MDGA1: variants seen among roughly 807,000 people sequenced by gnomAD.
MDGA1 encodes the protein MAM domain-containing glycosylphosphatidylinositol anchor protein 1.
MDGA1 carries 54 observed loss-of-function variants against 101.5 expected under a neutral mutation model. That is an observed-to-expected ratio of 0.53 (90% CI 0.43 to 0.67). The LOEUF (loss-of-function observed/expected upper bound fraction) is 0.67, where lower values mean the gene tolerates loss of function less well. MDGA1 is among the 30% of genes least tolerant of loss of function. The probability of loss-of-function intolerance (pLI) is 0.00; values close to 1 mark genes in which losing one functional copy is unlikely to be tolerated. For synonymous variants in MDGA1, 533 were observed against 558.3 expected, an observed-to-expected ratio of 0.95 and a Z score of 0.64; for missense variants, 1,083 against 1,323.8, an observed-to-expected ratio of 0.82 and a Z score of 2.82.
At chr6:37,677,853 G>A (rs566976150) in intron 1 of MDGA1, among the ~76,000 whole-genome samples, 3 of 152,144 alleles carry the variant, frequency 2.0e-5, no homozygotes, top group African/African-American at 4.8e-5. Flanking sequence ...GACCCCCTCC[G>A]ACCTCGGGTC....
At chr6:37,641,051 A>G (rs1236346714) in intron 14 of MDGA1, among the ~76,000 whole-genome samples, 1 of 151,958 alleles carries the variant, frequency 6.6e-6, no homozygotes, top group Non-Finnish European at 1.5e-5. Context: ...GCCATGGGGG[A>G]CAGGGTGTTT....
chr6:37,691,912 G>A (rs1172195674), intron 1 of MDGA1, among the ~76,000 whole-genome samples: 1 of 152,212 alleles, frequency 6.6e-6, no homozygotes, highest in Non-Finnish European at 1.5e-5. Flanking sequence ...ACCAGAGCAA[G>A]AGCCCACTAG....
intron 1 of MDGA1, among the ~76,000 whole-genome samples, chr6:37,679,545 C>T (rs1275474301): frequency 6.6e-6 from 1 of 152,164 alleles, no homozygotes; most frequent in Non-Finnish European, 1.5e-5. Flanking sequence ...GCCAGGGTCT[C>T]AGTCTTGTTC....
At chr6:37,654,136 G>T (rs1457579946) in intron 6 of MDGA1, 138 bp downstream of exon 6, 3 of 947,990 alleles carry the variant, frequency 3.2e-6, no homozygotes, top group Admixed American at 3.5e-5. Flanking sequence ...GAAATCGAAG[G>T]GCGTGGAACA....
At chr6:37,666,732 T>G (rs1761762176) in intron 1 of MDGA1, among the ~76,000 whole-genome samples, 2 of 152,180 alleles carry the variant, frequency 1.3e-5, no homozygotes, top group South Asian at 4.1e-4. Context: ...AAGGTGAAGT[T>G]GCTGGGGGAC....
chr6:37,636,199 G>A lies in MDGA1; in HGVS notation c.*1169C>T, dbSNP rs1450815233. On this transcript the variant is annotated 3_prime_UTR_variant, in exon 17 of 17. Coordinates refer to ENST00000434837, the MANE Select transcript of MDGA1 (RefSeq NM_153487.4). ...TCAGGTGCCTAACCCAGGACCCAAG[G>A]ACAGGGATCCCTTTCACAGCTCCCA... 2 of 153,374 alleles carry A rather than the reference G, an allele frequency of 1.3e-5. No individual in the cohort carries two copies. The highest frequency in any genetic ancestry group is 4.8e-5 in the African/African-American group (2 of 41,512). 9.5% of individuals were successfully genotyped at this position (153,374 alleles called of 1,614,324 possible).
chr6:37,635,758 CCG>C lies in MDGA1; in HGVS notation c.*1608_*1609del. 2.5e-6 allele frequency: 1 copy of C among 398,716 alleles called. No individual in the cohort carries two copies. The highest frequency in any genetic ancestry group is 3.6e-5 in the East Asian group (1 of 28,084). The allele number at this position is 398,716 out of a possible 1,614,324, so 24.7% of individuals were successfully genotyped here. ...TTCAATAGGGTCATCTGTAAGCTCT[CCG>C]TCATCCATAGGGGATGAAAGGTGGA... On this transcript the variant is annotated 3_prime_UTR_variant, in exon 17 of 17. Coordinates refer to ENST00000434837, the MANE Select transcript of MDGA1 (RefSeq NM_153487.4).
At chr6:37,672,096 A>C (rs1304473906) in intron 1 of MDGA1, among the ~76,000 whole-genome samples, 1 of 151,804 alleles carries the variant, frequency 6.6e-6, no homozygotes, top group Non-Finnish European at 1.5e-5. Context: ...AGCTGAGATC[A>C]TATCACTGCA....
chr6:37,640,514 G>GT (rs936020333), intron 14 of MDGA1, among the ~76,000 whole-genome samples: 1 of 152,050 alleles, frequency 6.6e-6, no homozygotes, highest in Non-Finnish European at 1.5e-5. Context: ...AATTTTAAAA[G>GT]TTTTTTAGTA....
At chr6:37,686,346 C>A (rs967172286) in intron 1 of MDGA1, among the ~76,000 whole-genome samples, 2 of 132,648 alleles carry the variant, frequency 1.5e-5, no homozygotes, top group Non-Finnish European at 1.6e-5. Context: ...ACACTGGAAT[C>A]ACGTAGGGAC....
At chr6:37,688,921 C>T (rs532045993) in intron 1 of MDGA1, among the ~76,000 whole-genome samples, 5 of 152,304 alleles carry the variant, frequency 3.3e-5, no homozygotes, top group Admixed American at 6.5e-5. Context: ...TTTTGCACAG[C>T]GCAATCCCTG....
At position 37,647,178 on chromosome 6, in the gene MDGA1, G is replaced by A. The variant is rs375725608; in HGVS notation, c.2041C>T (p.Arg681Cys). Residue 681 changes from arginine to cysteine, a missense_variant, in exon 10 of 17, where the codon CGC (arginine) becomes TGC (cysteine). By Grantham distance (180) the Arg-to-Cys change is radical (BLOSUM62 -3). Around this residue, in one of 3 missense-constraint regions of MDGA1, gnomAD observed 657 missense variants for 771.4 expected, o/e 0.85. Coordinates refer to ENST00000434837, the MANE Select transcript of MDGA1 (RefSeq NM_153487.4). ...DPVLNYRLSI[R>C]QLNQHNAVVK... ...CCCGCTCCCCCTTGGCCCACCTGGCGGATGCTGAGTCTGTAGTTGAGCACA... is the reference window on the plus strand; with the variant it reads ...CCCGCTCCCCCTTGGCCCACCTGGCAGATGCTGAGTCTGTAGTTGAGCACA... 40 of 1,594,278 alleles carry A rather than the reference G, an allele frequency of 2.5e-5. No individual in the cohort carries two copies. Among genetic ancestry groups the A allele is most frequent in the South Asian group, 4.6e-5 (4 of 87,416 alleles).
At chr6:37,662,655 G>A (rs112132625) in intron 2 of MDGA1, among the ~76,000 whole-genome samples, 1,356 of 134,776 alleles carry the variant, frequency 0.01, 13 homozygotes, top group South Asian at 0.051. Flanking sequence ...AAACAAGGAA[G>A]GCCTCAGAGT....
In MDGA1 at chr6:37,696,720, G is replaced by A; in HGVS notation, c.67+25C>T. ...AAGTTTCCGCGCGAGGTTAAGCCAA[G>A]GTGGAGCGGGACGCGGGCTCTTACC... On this transcript the variant is annotated intron_variant, in intron 1 of 16. Coordinates refer to ENST00000434837, the MANE Select transcript of MDGA1 (RefSeq NM_153487.4). The surrounding 1 kb of genome is among the most constrained non-coding windows in gnomAD (Gnocchi z 5.6). The A allele has an allele frequency of 6.4e-7, 1 of 1,564,122 alleles. No individual in the cohort carries two copies. Among genetic ancestry groups the A allele is most frequent in the Non-Finnish European group, 8.7e-7 (1 of 1,152,972 alleles).
intron 2 of MDGA1, among the ~76,000 whole-genome samples, chr6:37,663,386 T>G (rs1205643783): frequency 6.6e-6 from 1 of 152,238 alleles, no homozygotes; most frequent in Non-Finnish European, 1.5e-5. Flanking sequence ...ACGTTTTCTA[T>G]GCTGATTTTC....
chr6:37,662,714 A>G (rs1009414291), intron 2 of MDGA1, among the ~76,000 whole-genome samples: 5 of 152,162 alleles, frequency 3.3e-5, no homozygotes, highest in African/African-American at 7.2e-5. Context: ...TATGAGCCCA[A>G]GGGTTTGCGC....
intron 1 of MDGA1, among the ~76,000 whole-genome samples, chr6:37,668,103 T>A (rs1177937300): frequency 6.6e-6 from 1 of 151,640 alleles, no homozygotes; most frequent in Non-Finnish European, 1.5e-5. Flanking sequence ...CTGCAAAAAT[T>A]AGCCAGGCAT....
intron 16 of MDGA1, among the ~76,000 whole-genome samples, 153 bp from the exon 17 acceptor site, chr6:37,637,612 G>A (rs914697782): frequency 2.0e-5 from 3 of 152,160 alleles, no homozygotes; most frequent in East Asian, 1.9e-4. Flanking sequence ...CAAACTCACC[G>A]CACAGACATG....
intron 13 of MDGA1, among the ~76,000 whole-genome samples, chr6:37,644,195 A>G (rs1181202778): frequency 6.6e-6 from 1 of 151,540 alleles, no homozygotes; most frequent in African/African-American, 2.4e-5. Flanking sequence ...ACAGCACAGG[A>G]GTCTGGTCAG....
Sources: gnomAD v4.1 joint callset for allele counts (sites outside exome capture counted in the v4.1 genomes callset) on GRCh38, gnomAD v4.1.1 for gene constraint, gnomAD v4.1.1 regional missense constraint, Gnocchi (gnomAD v3.1) non-coding constraint, MANE v1.5 for transcripts, NCBI Gene and HGNC (gene_info 2026-07-23, HGNC 2026-07-21) for gene names.